The following CAMSAP2 variants were observed in gnomAD, a reference collection of about 807,000 sequenced individuals.
The protein encoded by CAMSAP2 is calmodulin-regulated spectrin-associated protein 2.
A neutral mutation model predicts 146.1 loss-of-function variants in CAMSAP2; 26 were observed. The ratio of observed to expected loss-of-function variants is 0.18; its 90% CI spans 0.13 to 0.25. CAMSAP2 has a LOEUF of 0.25. CAMSAP2 is among the 10% of genes least tolerant of loss of function. CAMSAP2 has a pLI of 1.00. For synonymous variants in CAMSAP2, 499 were observed against 596.6 expected (o/e 0.84, Z 2.38); for missense variants, 1,381 against 1,759.3 (o/e 0.78, Z 3.85).
chr1:200,776,746 A>G (rs1382173330), intron 2 of CAMSAP2, among the ~76,000 whole-genome samples: 3 of 152,126 alleles, frequency 2.0e-5, no homozygotes, highest in Admixed American at 1.3e-4. Flanking sequence ...CAAAACAACA[A>G]CAACAAAAAA....
chr1:200,796,263 T>C (rs1277985680), intron 2 of CAMSAP2, among the ~76,000 whole-genome samples: 1 of 152,198 alleles, frequency 6.6e-6, no homozygotes. Context: ...ACAAAATTTT[T>C]TGTGTTAAAA....
In CAMSAP2 at chr1:200,739,650, G is replaced by A; in HGVS notation, c.-178G>A. ...CGGCGGCGGCGGCGGCGGCTCCCGC[G>A]GGAGGCGGCAGGCGCGCGGCGCGGA... On this transcript the variant is annotated 5_prime_UTR_variant, in exon 1 of 17. Coordinates refer to ENST00000358823, the MANE Select transcript of CAMSAP2 (RefSeq NM_203459.4). The surrounding 1 kb of genome is among the most constrained non-coding windows in gnomAD (Gnocchi z 4.8). 2.3e-6 allele frequency: 1 copy of A among 436,638 alleles called. No individual in the cohort carries two copies. The highest frequency in any genetic ancestry group is 3.6e-6 in the Non-Finnish European group (1 of 275,094). The allele number at this position is 436,638 out of a possible 1,614,324, so 27.0% of individuals were successfully genotyped here. A position where few individuals can be genotyped will look rare whatever the true frequency, so the allele number is the denominator to read the frequency against.
At chr1:200,841,705 G>A (rs1005722384) in intron 6 of CAMSAP2, among the ~76,000 whole-genome samples, 1 of 152,048 alleles carries the variant, frequency 6.6e-6, no homozygotes, top group Non-Finnish European at 1.5e-5. Flanking sequence ...TGGAATGAAA[G>A]TGCCTTATAT....
chr1:200,824,087 T>A (rs1666842961), intron 4 of CAMSAP2, among the ~76,000 whole-genome samples: 1 of 152,194 alleles, frequency 6.6e-6, no homozygotes, highest in Admixed American at 6.5e-5. Context: ...TTTCTGGCAC[T>A]ACAGAATGCT....
intron 6 of CAMSAP2, among the ~76,000 whole-genome samples, chr1:200,839,739 T>C (rs944051782): frequency 2.6e-5 from 4 of 152,104 alleles, no homozygotes; most frequent in East Asian, 1.9e-4. Context: ...AGACCACACA[T>C]TGGGTACAGT....
intron 4 of CAMSAP2, among the ~76,000 whole-genome samples, chr1:200,829,725 G>A (rs1245943879): frequency 6.6e-6 from 1 of 152,068 alleles, no homozygotes; most frequent in Non-Finnish European, 1.5e-5. Flanking sequence ...CCAGGAGTTT[G>A]AGACCAGCCT....
At chr1:200,854,532 T>C (rs985066489) in intron 13 of CAMSAP2, among the ~76,000 whole-genome samples, 1 of 152,220 alleles carries the variant, frequency 6.6e-6, no homozygotes, top group South Asian at 2.1e-4. Flanking sequence ...TTTTTTTCTT[T>C]AGGATCACAG....
At chr1:200,804,383 A>G (rs1036979280) in intron 2 of CAMSAP2, among the ~76,000 whole-genome samples, 15 of 152,114 alleles carry the variant, frequency 9.9e-5, no homozygotes, top group Admixed American at 4.6e-4. Flanking sequence ...TATATCATAA[A>G]TTACTCATTT....
chr1:200,837,691 C>G (rs890117392), intron 6 of CAMSAP2, among the ~76,000 whole-genome samples: 2 of 152,186 alleles, frequency 1.3e-5, no homozygotes, highest in African/African-American at 4.8e-5. Flanking sequence ...AATATTGATT[C>G]TTCCTGTCCA....
At chr1:200,797,002 C>T (rs1665902488) in intron 2 of CAMSAP2, among the ~76,000 whole-genome samples, 1 of 152,186 alleles carries the variant, frequency 6.6e-6, no homozygotes. Context: ...GACATGAACT[C>T]ATCATTTTTA....
At chr1:200,814,975 T>A (rs1001298799) in intron 3 of CAMSAP2, among the ~76,000 whole-genome samples, 18 of 152,014 alleles carry the variant, frequency 1.2e-4, no homozygotes, top group Non-Finnish European at 1.3e-4. Context: ...TTTTTTTTTT[T>A]AAACTGTTTT....
At chr1:200,785,084 T>C (rs544836604) in intron 2 of CAMSAP2, among the ~76,000 whole-genome samples, 1 of 152,228 alleles carries the variant, frequency 6.6e-6, no homozygotes, top group Non-Finnish European at 1.5e-5. Flanking sequence ...TAAACTGGTC[T>C]TGAATTCCTG....
At chr1:200,806,204 G>A (rs1666165835) in intron 2 of CAMSAP2, among the ~76,000 whole-genome samples, 1 of 152,142 alleles carries the variant, frequency 6.6e-6, no homozygotes, top group African/African-American at 2.4e-5. Context: ...ATGACAGAAG[G>A]TTAAAAAGTA....
chr1:200,845,895 C>T (rs1341659077), intron 8 of CAMSAP2, among the ~76,000 whole-genome samples: 2 of 151,998 alleles, frequency 1.3e-5, no homozygotes, highest in South Asian at 2.1e-4. Context: ...ATATTAATAC[C>T]TAGATAATCC....
chr1:200,766,980 G>GC (rs796218131), intron 2 of CAMSAP2, among the ~76,000 whole-genome samples: 10 of 152,224 alleles, frequency 6.6e-5, no homozygotes, highest in African/African-American at 2.4e-4. Context: ...TGCTGACAGG[G>GC]GATGAAGTAG....
intron 6 of CAMSAP2, among the ~76,000 whole-genome samples, chr1:200,833,351 A>G (rs965175464): frequency 6.6e-6 from 1 of 152,160 alleles, no homozygotes; most frequent in Admixed American, 6.6e-5. Flanking sequence ...GCTTGAGCTC[A>G]GGAGTTCAAG....
At chr1:200,809,317 C>T (rs1031155922) in intron 3 of CAMSAP2, among the ~76,000 whole-genome samples, 3 of 152,214 alleles carry the variant, frequency 2.0e-5, no homozygotes, top group African/African-American at 4.8e-5. Context: ...TCACATCAAA[C>T]GTGAGTTTTC....
chr1:200,758,037 G>T (rs190595745), intron 1 of CAMSAP2, among the ~76,000 whole-genome samples: 31 of 152,324 alleles, frequency 2.0e-4, no homozygotes, highest in African/African-American at 7.5e-4. Flanking sequence ...GTGCCCCTGG[G>T]CAAGATGTCC....
At chr1:200,852,501 C>T in intron 11 of CAMSAP2, 40 bp from the exon 12 acceptor site, 1 of 1,592,140 alleles carries the variant, frequency 6.3e-7, no homozygotes, top group South Asian at 1.1e-5. Context: ...AATATTGGTA[C>T]CTAAAATGTT....
Sources: gnomAD v4.1 joint callset for allele counts (sites outside exome capture counted in the v4.1 genomes callset) on GRCh38, gnomAD v4.1.1 for gene constraint, Gnocchi (gnomAD v3.1) non-coding constraint, MANE v1.5 for transcripts, NCBI Gene and HGNC (gene_info 2026-07-23, HGNC 2026-07-21) for gene names.